The following RSRP1 variants were observed in gnomAD, a reference collection of about 807,000 sequenced individuals.
The protein encoded by RSRP1 is arginine/serine-rich protein 1.
RSRP1 carries 37 observed loss-of-function variants against 33.0 expected under a neutral mutation model. The observed-to-expected ratio is 1.12, with a 90% CI of 0.86 to 1.48. RSRP1 has a LOEUF of 1.48. RSRP1 is among the 40% of genes most tolerant of loss of function. RSRP1 has a pLI of 0.00. For missense variants in RSRP1, 402 were observed against 385.3 expected (o/e 1.04, Z -0.36); for synonymous variants, 167 against 158.7 (o/e 1.05, Z -0.40).
chr1:25,307,254 T>C (rs658425), intron 1 of RSRP1, among the ~76,000 whole-genome samples: 1 of 132,164 alleles, frequency 7.6e-6, no homozygotes, highest in African/African-American at 2.6e-5. Context: ...GGGTGGGCCT[T>C]GGCTGAGGTC....
intron 1 of RSRP1, among the ~76,000 whole-genome samples, chr1:25,272,154 T>C: frequency 8.3e-6 from 1 of 120,778 alleles, no homozygotes; most frequent in Non-Finnish European, 2.0e-5. Context: ...TCAGTTTCCT[T>C]ATTCATAAAA....
rs767140623 is a variant in RSRP1, at chr1:25,290,669, T to A, written c.-66-43640A>T. 1.3e-5 allele frequency: 18 copies of A among 1,378,476 alleles called. No individual in the cohort carries two copies. The African/African-American group carries it at 2.1e-4, about 16-fold the overall frequency. 85.4% of individuals were successfully genotyped at this position (1,378,476 alleles called of 1,614,324 possible). ...TCGGCTGGCCACCATGAGTGCTTTG[T>A]CGGTGCTGATCTCAGTGGATGCTGT... On this transcript the variant is annotated intron_variant, in intron 1 of 1. Coordinates refer to the RSRP1 transcript ENST00000561867.
chr1:25,320,041 G>A (rs1644613467), intron 1 of RSRP1, among the ~76,000 whole-genome samples: 1 of 131,492 alleles, frequency 7.6e-6, no homozygotes, highest in Non-Finnish European at 1.8e-5. Context: ...TGGGATTACA[G>A]GCATGCACCA....
Position 25,309,289 on chromosome 1 carries a change from ACT to A in RSRP1, c.-67+28687_-67+28688del, listed in dbSNP as rs1474640419. ...GGCACTGAATCATGCAGTTGCAGAT[ACT>A]CTTTTTCAATTCTCAGTCCTTTGAT... On this transcript the variant is annotated intron_variant, in intron 1 of 1. Coordinates refer to the RSRP1 transcript ENST00000561867. 1.5e-5 allele frequency among the ~76,000 whole-genome samples: 2 copies of A among 131,196 alleles called. 1 individual carries two copies. Among genetic ancestry groups the A allele is most frequent in the Non-Finnish European group, 3.6e-5 (2 of 55,714 alleles). The allele number at this position is 131,196 out of a possible 152,430, so 86.1% of individuals were successfully genotyped here.
At chr1:25,260,923 TC>T (rs1640116968) in intron 1 of RSRP1, among the ~76,000 whole-genome samples, 1 of 151,386 alleles carries the variant, frequency 6.6e-6, no homozygotes, top group South Asian at 2.1e-4. Flanking sequence ...TGCCTCAGCC[TC>T]CCGAGTAGCT....
At chr1:25,259,561 G>A (rs1292416742) in intron 1 of RSRP1, among the ~76,000 whole-genome samples, 1 of 151,778 alleles carries the variant, frequency 6.6e-6, no homozygotes. Flanking sequence ...GGAGTGCAGT[G>A]CCGCAATCTC....
chr1:25,267,858 A>T (rs1640362813), intron 1 of RSRP1: 1 of 131,324 alleles, frequency 7.6e-6, no homozygotes, highest in African/African-American at 2.6e-5. Flanking sequence ...CCCGACGTCC[A>T]GCTGTGAACC....
chr1:25,301,670 A>T, intron 1 of RSRP1: 1 of 1,379,810 alleles, frequency 7.2e-7, no homozygotes, highest in Non-Finnish European at 1.0e-6. Context: ...GCTCACCCCC[A>T]AGGGAAGATC....
At chr1:25,259,471 CTTAA>C (rs1640058514) in intron 1 of RSRP1, among the ~76,000 whole-genome samples, 1 of 151,920 alleles carries the variant, frequency 6.6e-6, no homozygotes, top group South Asian at 2.1e-4. Flanking sequence ...TTCATAGAAA[CTTAA>C]TTAGATTATA....
Position 25,291,617 on chromosome 1 carries a change from A to G in RSRP1, c.-66-44588T>C, listed in dbSNP as rs1642516621. 1.5e-5 allele frequency among the ~76,000 whole-genome samples: 2 copies of G among 132,938 alleles called. 1 individual carries two copies. The highest frequency in any genetic ancestry group is 4.5e-4 in the South Asian group (2 of 4,402). 87.2% of individuals were successfully genotyped at this position (132,938 alleles called of 152,430 possible). ...CAGTATAATCCTGTAGGATTGTGCT[A>G]TTCATGATATAATTATGGTTATATA... is the stretch of plus-strand genomic sequence containing the variant. On this transcript the variant is annotated intron_variant, in intron 1 of 1. Transcript: ENST00000561867.
intron 1 of RSRP1, among the ~76,000 whole-genome samples, chr1:25,316,620 A>C (rs1446498661): frequency 0.016 from 1,377 of 88,240 alleles, 144 homozygotes; most frequent in African/African-American, 0.072. Context: ...CAAAAACAGA[A>C]AAAAAAAAAA....
At chr1:25,323,557 T>G (rs1217399515) in intron 1 of RSRP1, among the ~76,000 whole-genome samples, 1 of 126,368 alleles carries the variant, frequency 7.9e-6, no homozygotes, top group Non-Finnish European at 1.8e-5. Context: ...CTCCCCAGGC[T>G]CAGGAGATCC....
intron 1 of RSRP1, among the ~76,000 whole-genome samples, chr1:25,321,534 G>A (rs1417649835): frequency 8.2e-6 from 1 of 122,352 alleles, no homozygotes; most frequent in East Asian, 2.0e-4. Context: ...GCTGGATGTG[G>A]TGGCAGGCGC....
intron 1 of RSRP1, among the ~76,000 whole-genome samples, chr1:25,261,705 A>AT (rs376795548): frequency 0.032 from 3,038 of 93,620 alleles, 203 homozygotes; most frequent in African/African-American, 0.097. Flanking sequence ...CGCCCAGCAG[A>AT]TTTTTTTTTT....
At chr1:25,269,321 C>A (rs61777605) in intron 1 of RSRP1, among the ~76,000 whole-genome samples, 2 of 132,282 alleles carry the variant, frequency 1.5e-5, no homozygotes, top group African/African-American at 5.1e-5. Flanking sequence ...GAACTCTAAG[C>A]GCGGCTTCCA....
chr1:25,252,229 ATT>A (rs59951328), upstream of RSRP1, among the ~76,000 whole-genome samples: 1 of 146,822 alleles, frequency 6.8e-6, no homozygotes. Flanking sequence ...CAGCTGGCTA[ATT>A]TTTTTTTTTT....
At chr1:25,262,016 A>G (rs868264981) in intron 1 of RSRP1, among the ~76,000 whole-genome samples, 1 of 152,090 alleles carries the variant, frequency 6.6e-6, no homozygotes, top group Non-Finnish European at 1.5e-5. Flanking sequence ...CTGGCCAAAA[A>G]TGTGATTTCT....
intron 1 of RSRP1, 27 bp from the exon 2 acceptor site, chr1:25,247,056 G>C (rs951578235): frequency 2.3e-6 from 3 of 1,317,150 alleles, no homozygotes; most frequent in Middle Eastern, 6.0e-4. Context: ...GAAAAAACAA[G>C]TCGAGTCGCG....
chr1:25,313,637 G>A (rs1199961846), intron 1 of RSRP1, among the ~76,000 whole-genome samples: 1 of 131,868 alleles, frequency 7.6e-6, no homozygotes, highest in Admixed American at 7.4e-5. Flanking sequence ...CGTCATGCAG[G>A]GCCACACAAA....
Sources: allele counts gnomAD v4.1 joint callset (sites outside exome capture counted in the v4.1 genomes callset), GRCh38; gene constraint gnomAD v4.1.1; transcripts MANE v1.5; gene names NCBI Gene and HGNC (gene_info 2026-07-23, HGNC 2026-07-21).